DNAH10: variants seen among roughly 807,000 people sequenced by gnomAD.
DNAH10 encodes dynein axonemal heavy chain 10.
DNAH10 carries 348 observed loss-of-function variants against 506.6 expected under a neutral mutation model. The ratio of observed to expected loss-of-function variants is 0.69; its 90% CI spans 0.63 to 0.75. The LOEUF is 0.75. Ranked by LOEUF, DNAH10 falls within the 30% of genes least tolerant of loss-of-function variation. The probability of loss-of-function intolerance (pLI) is 0.00; values close to 1 mark genes in which losing one functional copy is unlikely to be tolerated. For synonymous variants in DNAH10, 2,059 were observed against 2,198.6 expected, an observed-to-expected ratio of 0.94 and a Z score of 1.78; for missense variants, 5,179 against 5,787.1, an observed-to-expected ratio of 0.89 and a Z score of 3.41.
chr12:123,863,609 T>A (rs1206531041), intron 39 of DNAH10, among the ~76,000 whole-genome samples: 1 of 152,232 alleles, frequency 6.6e-6, no homozygotes, highest in Non-Finnish European at 1.5e-5. Context: ...ACTTTGCCTC[T>A]TTCTTGGCCT....
intron 52 of DNAH10, among the ~76,000 whole-genome samples, chr12:123,890,732 G>C (rs1244337651): frequency 6.6e-6 from 1 of 152,286 alleles, no homozygotes; most frequent in South Asian, 2.1e-4. Flanking sequence ...AGGGCACTGG[G>C]GACAGAGAGA....
chr12:123,832,861 C>A (rs1023368303), intron 26 of DNAH10, among the ~76,000 whole-genome samples: 30 of 152,078 alleles, frequency 2.0e-4, no homozygotes, highest in African/African-American at 7.2e-4. Context: ...TGATAATAAT[C>A]CCTACCAATA....
chr12:123,813,544 A>C lies in DNAH10; in HGVS notation c.3525A>C (p.Thr1175=). The change falls in exon 20 of 79, where the codon ACA becomes ACC. Residue 1175 remains threonine, a synonymous_variant. Coordinates refer to ENST00000673944, the MANE Select transcript of DNAH10 (RefSeq NM_001372106.1). The part of the protein sequence containing the change: ...IRLQLRHLAN[T]VQENAKSWVI... ...TTCAGCTCAGGCATCTGGCAAACAC[A>C]GTGCAGGAAAATGCCAAGTCCTGGG... The C allele has an allele frequency of 1.9e-6, 3 of 1,614,226 alleles. No individual in the cohort carries two copies. The highest frequency in any genetic ancestry group is 2.5e-6 in the Non-Finnish European group (3 of 1,180,042).
Position 123,787,739 on chromosome 12 carries a change from CG to C in DNAH10, c.1422-61del, listed in dbSNP as rs1957913854. ...CTTCACGGGACACTGGCTCCCCAGC[CG>C]GGGAGTGCGGCTCGGACCCGGAGCT... On this transcript the variant is annotated intron_variant, in intron 9 of 78. Transcript: ENST00000673944. The surrounding 1 kb of genome is among the most constrained non-coding windows in gnomAD (Gnocchi z 4.6). 3 of 1,554,256 alleles carry C rather than the reference CG, an allele frequency of 1.9e-6. No individual in the cohort carries two copies. The highest frequency in any genetic ancestry group is 2.6e-6 in the Non-Finnish European group (3 of 1,143,444).
chr12:123,849,004 G>T, intron 34 of DNAH10, 122 bp downstream of exon 34: 1 of 1,234,310 alleles, frequency 8.1e-7, no homozygotes. Flanking sequence ...TCCTGTAGAA[G>T]ATCTGTTGGT....
At chr12:123,930,141 CT>C in intron 72 of DNAH10, 1 of 517,592 alleles carries the variant, frequency 1.9e-6, no homozygotes, top group Non-Finnish European at 3.4e-6. Context: ...GTTTGGGGGA[CT>C]TTGCCTGCTG....
At chr12:123,826,533 G>A (rs900567595) in intron 24 of DNAH10, among the ~76,000 whole-genome samples, 154 bp from the exon 25 acceptor site, 1 of 152,198 alleles carries the variant, frequency 6.6e-6, no homozygotes, top group Non-Finnish European at 1.5e-5. Context: ...TTAGATCCTT[G>A]TAGTCAACCT....
chr12:123,824,441 C>A (rs1218513611), intron 24 of DNAH10, among the ~76,000 whole-genome samples: 1 of 152,092 alleles, frequency 6.6e-6, no homozygotes, highest in Non-Finnish European at 1.5e-5. Context: ...TGGGAGTGTC[C>A]AGGTGCGGAA....
intron 36 of DNAH10, among the ~76,000 whole-genome samples, 193 bp from the exon 37 acceptor site, chr12:123,856,859 AAATT>A (rs1235185966): frequency 8.0e-5 from 12 of 149,464 alleles, no homozygotes; most frequent in Non-Finnish European, 1.5e-4. Context: ...ATTTAAATTT[AAATT>A]AATTTAAATT....
chr12:123,930,655 T>TG (rs1459718727), intron 73 of DNAH10, 82 bp downstream of exon 73: 60 of 1,508,428 alleles, frequency 4.0e-5, no homozygotes, highest in East Asian at 1.7e-4. Context: ...CCTCTCCTGG[T>TG]GGGGGCTCCT....
In DNAH10 at chr12:123,857,056, G is replaced by C. The variant is rs779855810; in HGVS notation, c.6439G>C (p.Asp2147His). 1.7e-5 allele frequency: 27 copies of C among 1,604,492 alleles called. No individual in the cohort carries two copies. The Admixed American group carries it at 4.3e-4, about 25-fold the overall frequency. ...GAAACATGTGTTTCATTTCCTGCAG[G>C]ACGTGGTGCTGATGAGGGCCTTGCG... ...LKRGSSDLRE[D>H]VVLMRALRDM... Residue 2147 changes from aspartate (D) to histidine (H), a missense_variant and splice_region_variant, in exon 37 of 79, where the codon GAC (aspartate) becomes CAC (histidine). By Grantham distance (81) the Asp-to-His change is moderately conservative (BLOSUM62 -1). This residue lies in a region of DNAH10 where 4,844 missense variants were observed against 5,430.5 expected (regional missense o/e 0.89). Coordinates refer to ENST00000673944, the MANE Select transcript of DNAH10 (RefSeq NM_001372106.1).
intron 45 of DNAH10, 87 bp downstream of exon 45, chr12:123,871,689 TCA>T: frequency 2.1e-6 from 3 of 1,454,738 alleles, no homozygotes; most frequent in Non-Finnish European, 2.8e-6. Flanking sequence ...CACTGTGATC[TCA>T]CAGTTTCCGT....
At chr12:123,867,681 A>G in intron 42 of DNAH10, 80 bp downstream of exon 42, 1 of 1,577,114 alleles carries the variant, frequency 6.3e-7, no homozygotes, top group East Asian at 2.2e-5. Context: ...AAGGGAGTGA[A>G]GATGCCAGAC....
chr12:123,894,042 T>C (rs1380612543), intron 53 of DNAH10, among the ~76,000 whole-genome samples: 1 of 150,986 alleles, frequency 6.6e-6, no homozygotes, highest in African/African-American at 2.4e-5. Flanking sequence ...GAAGATGGCA[T>C]CCATGTTCTT....
intron 30 of DNAH10, among the ~76,000 whole-genome samples, chr12:123,844,746 C>T (rs1391679142): frequency 6.6e-6 from 1 of 152,096 alleles, no homozygotes; most frequent in African/African-American, 2.4e-5. Context: ...TCAAGCAATC[C>T]TCCCACCTCA....
chr12:123,879,593 TG>T (rs1389019739), intron 49 of DNAH10, 40 bp from the exon 50 acceptor site: 2 of 1,611,934 alleles, frequency 1.2e-6, no homozygotes, highest in Admixed American at 3.3e-5. Context: ...GGCCGTGTAC[TG>T]TTGTTGAGTT....
At chr12:123,818,148 C>T (rs117630224) in intron 21 of DNAH10, among the ~76,000 whole-genome samples, 8,288 of 151,968 alleles carry the variant, frequency 0.055, 227 homozygotes, top group Non-Finnish European at 0.064. Context: ...CATTTCTCCA[C>T]GTTGGTCAGG....
chr12:123,934,599 A>G, intron 77 of DNAH10, 22 bp from the exon 78 acceptor site: 1 of 1,612,336 alleles, frequency 6.2e-7, no homozygotes, highest in Non-Finnish European at 8.5e-7. Context: ...AGTTGTATCC[A>G]GTCTCTGCCT....
intron 73 of DNAH10, 57 bp downstream of exon 73, chr12:123,930,630 AC>A: frequency 6.4e-7 from 1 of 1,570,646 alleles, no homozygotes; most frequent in Non-Finnish European, 8.6e-7. Flanking sequence ...GGGAGACCAT[AC>A]ATTTCAACCG....
Sources: allele counts gnomAD v4.1 joint callset (sites outside exome capture counted in the v4.1 genomes callset), GRCh38; gene constraint gnomAD v4.1.1; regional missense constraint gnomAD v4.1.1; non-coding constraint Gnocchi (gnomAD v3.1); transcripts MANE v1.5; gene names NCBI Gene and HGNC (gene_info 2026-07-23, HGNC 2026-07-21).